The following ANKIB1 variants were observed in gnomAD, a reference collection of about 807,000 sequenced individuals.
ANKIB1 encodes the protein ankyrin repeat and IBR domain containing 1.
In ANKIB1, 43 loss-of-function variants were observed where a neutral mutation model predicts 122.1. The ratio of observed to expected loss-of-function variants is 0.35; its 90% CI spans 0.28 to 0.45. ANKIB1 has a LOEUF of 0.45. ANKIB1 is among the 20% of genes least tolerant of loss of function. ANKIB1 has a pLI of 1.00. For synonymous variants in ANKIB1, 390 were observed against 442.0 expected, an observed-to-expected ratio of 0.88 and a Z score of 1.48; for missense variants, 992 against 1,329.5, an observed-to-expected ratio of 0.75 and a Z score of 3.95.
chr7:92,256,252 T>A (rs968004633), intron 1 of ANKIB1, among the ~76,000 whole-genome samples: 2 of 152,180 alleles, frequency 1.3e-5, no homozygotes, highest in African/African-American at 4.8e-5. Context: ...TGAATCCTGG[T>A]CTTAGCAGGG....
At chr7:92,254,779 T>C (rs1801401146) in intron 1 of ANKIB1, among the ~76,000 whole-genome samples, 1 of 152,260 alleles carries the variant, frequency 6.6e-6, no homozygotes, top group Non-Finnish European at 1.5e-5. Flanking sequence ...GCTTTTGTTT[T>C]AGTTTATGGT....
At chr7:92,259,811 A>G (rs1422865150) in intron 1 of ANKIB1, among the ~76,000 whole-genome samples, 1 of 152,122 alleles carries the variant, frequency 6.6e-6, no homozygotes, top group South Asian at 2.1e-4. Context: ...CCAGGTGCTC[A>G]TGCCAGGACC....
chr7:92,270,989 T>C (rs998509912), intron 1 of ANKIB1, among the ~76,000 whole-genome samples: 21 of 152,080 alleles, frequency 1.4e-4, no homozygotes, highest in African/African-American at 4.8e-4. Context: ...TTTTTTTCTT[T>C]TATAGATAAT....
chr7:92,388,174 G>C (rs1804705352), intron 14 of ANKIB1, 133 bp downstream of exon 14: 1 of 855,102 alleles, frequency 1.2e-6, no homozygotes, highest in Non-Finnish European at 1.8e-6. Context: ...TGAGTTCTTT[G>C]AAGCCCTGAG....
chr7:92,346,689 G>C lies in ANKIB1; in HGVS notation c.1085+1623G>C, dbSNP rs139071017. 7.2e-3 allele frequency among the ~76,000 whole-genome samples: 1,089 copies of C among 152,244 alleles called. 7 individuals carry two copies. The highest frequency in any genetic ancestry group is 0.012 in the Non-Finnish European group (799 of 68,016). On this transcript the variant is annotated intron_variant, in intron 7 of 19. Coordinates refer to ENST00000265742, the MANE Select transcript of ANKIB1 (RefSeq NM_019004.2). ...TACAACTTTATCTTAGTTGTTAACT[G>C]TACTTAATTAGGAAGTACTACCTGA...
Position 92,398,906 on chromosome 7 carries a change from C to T in ANKIB1, c.3227C>T (p.Pro1076Leu). The T allele has an allele frequency of 6.3e-7, 1 of 1,599,650 alleles. No homozygotes were observed. Among genetic ancestry groups the T allele is most frequent in the Non-Finnish European group, 8.5e-7 (1 of 1,172,882 alleles). The change falls in exon 20 of 20, where the codon CCT (proline) becomes CTT (leucine). Residue 1076 changes from proline to leucine, a missense_variant. This residue lies in a region of ANKIB1 where 384 missense variants were observed against 412.0 expected (regional missense o/e 0.93). Transcript: ENST00000265742. ...GGTTCAGATGTTTCAAGTCAAACAC[C>T]TCAAACCTCAAGTGACTGGCTTGAA... is the stretch of plus-strand genomic sequence containing the variant. ...GDGSDVSSQT[P>L]QTSSDWLEQV...
intron 1 of ANKIB1, among the ~76,000 whole-genome samples, chr7:92,273,368 G>C (rs543441516): frequency 6.6e-6 from 1 of 152,116 alleles, no homozygotes; most frequent in South Asian, 2.1e-4. Context: ...GCATATTCTT[G>C]TCTTCCACTT....
chr7:92,309,962 T>TATATAA (rs1030276754), intron 3 of ANKIB1, among the ~76,000 whole-genome samples: 3 of 139,428 alleles, frequency 2.2e-5, no homozygotes, highest in African/African-American at 8.0e-5. Flanking sequence ...TATATATATA[T>TATATAA]AAATTAAATG....
intron 5 of ANKIB1, among the ~76,000 whole-genome samples, chr7:92,331,996 A>G (rs1803183407): frequency 6.6e-6 from 1 of 152,218 alleles, no homozygotes; most frequent in Non-Finnish European, 1.5e-5. Flanking sequence ...AAATATTATT[A>G]AATGATCAAC....
At chr7:92,350,563 A>G (rs1245033198) in intron 7 of ANKIB1, among the ~76,000 whole-genome samples, 2 of 152,168 alleles carry the variant, frequency 1.3e-5, no homozygotes, top group African/African-American at 4.8e-5. Flanking sequence ...AAAGTTCAGC[A>G]TAAAGGAAAA....
intron 2 of ANKIB1, among the ~76,000 whole-genome samples, chr7:92,298,249 T>G (rs1422468776): frequency 6.6e-6 from 1 of 152,068 alleles, no homozygotes; most frequent in African/African-American, 2.4e-5. Flanking sequence ...TTTGCTTATT[T>G]AAGTTGAACA....
chr7:92,248,944 G>A (rs1403243190), intron 1 of ANKIB1, among the ~76,000 whole-genome samples: 2 of 138,964 alleles, frequency 1.4e-5, no homozygotes, highest in Non-Finnish European at 1.5e-5. Context: ...CTGGAGTGCA[G>A]TGGTGTGATC....
intron 3 of ANKIB1, among the ~76,000 whole-genome samples, chr7:92,311,111 T>C (rs1042395247): frequency 5.9e-5 from 9 of 152,226 alleles, no homozygotes; most frequent in African/African-American, 2.2e-4. Context: ...GTAAGAATAA[T>C]AGTTATAATA....
rs756564104 is a variant in ANKIB1 at position 92,397,787 on chromosome 7, G to C, written c.2460G>C (p.Met820Ile). The change falls in exon 19 of 20, where the codon ATG (methionine) becomes ATC (isoleucine). Residue 820 changes from methionine to isoleucine, a missense_variant. Transcript: ENST00000265742. ...PGTSVVSSAS[M>I]SVLHSSSLRD... is the part of the protein sequence containing the mutation. ...CATCCGTGGTAAGTTCTGCATCTATGAGTGTGCTGCACAGCTCTTCCCTGC... is the reference window on the plus strand; with the variant it reads ...CATCCGTGGTAAGTTCTGCATCTATCAGTGTGCTGCACAGCTCTTCCCTGC... 1.2e-6 allele frequency: 2 copies of C among 1,609,264 alleles called. No individual in the cohort carries two copies. The highest frequency in any genetic ancestry group is 1.7e-6 in the Non-Finnish European group (2 of 1,178,718).
At chr7:92,290,629 A>G (rs1802227204) in intron 1 of ANKIB1, among the ~76,000 whole-genome samples, 2 of 152,186 alleles carry the variant, frequency 1.3e-5, no homozygotes, top group Admixed American at 6.5e-5. Context: ...TTTTATGGGA[A>G]CAGTTGAATT....
rs529982477 is a variant in ANKIB1 at position 92,401,094 on chromosome 7, C to G, written c.*2145C>G. On this transcript the variant is annotated 3_prime_UTR_variant, in exon 20 of 20. Transcript: ENST00000265742. ...TTCTCTCCTGAGCATGAAAAATGAT[C>G]ATTATCCAATTTGTATTTCCTTGGT... 6.6e-6 allele frequency: 1 copy of G among 152,148 alleles called. No individual in the cohort carries two copies. The highest frequency in any genetic ancestry group is 2.1e-4 in the South Asian group (1 of 4,834). 9.4% of individuals were successfully genotyped at this position (152,148 alleles called of 1,614,324 possible). A position where few individuals can be genotyped will look rare whatever the true frequency, so the allele number is the denominator to read the frequency against.
At chr7:92,379,032 A>C (rs1248032205) in intron 11 of ANKIB1, among the ~76,000 whole-genome samples, 1 of 152,228 alleles carries the variant, frequency 6.6e-6, no homozygotes, top group Non-Finnish European at 1.5e-5. Context: ...AACTAATTGA[A>C]AGACAATGAA....
chr7:92,360,861 CTTTT>C (rs1446931029), intron 9 of ANKIB1, among the ~76,000 whole-genome samples: 1 of 151,890 alleles, frequency 6.6e-6, no homozygotes, highest in Admixed American at 6.6e-5. Flanking sequence ...ACACACATAA[CTTTT>C]TTTTATTTTT....
At chr7:92,354,891 T>C (rs1174916130) in intron 9 of ANKIB1, among the ~76,000 whole-genome samples, 2 of 152,082 alleles carry the variant, frequency 1.3e-5, no homozygotes, top group African/African-American at 4.8e-5. Flanking sequence ...TTGCTTCTCC[T>C]TCTTCAAAAT....
Sources: allele counts gnomAD v4.1 joint callset (sites outside exome capture counted in the v4.1 genomes callset), GRCh38; gene constraint gnomAD v4.1.1; regional missense constraint gnomAD v4.1.1; transcripts MANE v1.5; gene names NCBI Gene and HGNC (gene_info 2026-07-23, HGNC 2026-07-21).